Variants in FBXL7 observed in about 807,000 individuals in gnomAD.
FBXL7 encodes the protein F-box and leucine rich repeat protein 7, also known as F-box/LRR-repeat protein 7.
In FBXL7, 12 loss-of-function variants were observed where a neutral mutation model predicts 38.3. The ratio of observed to expected loss-of-function variants is 0.31; its 90% CI spans 0.20 to 0.51. The LOEUF is 0.51. Ranked by LOEUF, FBXL7 falls within the 20% of genes least tolerant of loss-of-function variation. FBXL7 has a pLI of 0.98. For missense variants in FBXL7, 567 were observed against 676.4 expected (o/e 0.84, Z 1.79); for synonymous variants, 297 against 300.9 (o/e 0.99, Z 0.13).
chr5:15,890,395 T>A (rs1740851414), intron 2 of FBXL7, among the ~76,000 whole-genome samples: 1 of 152,068 alleles, frequency 6.6e-6, no homozygotes, highest in South Asian at 2.1e-4. Flanking sequence ...ATTACAGGCA[T>A]GACGCCCAGC....
chr5:15,776,957 ATCT>A (rs1192394229), intron 2 of FBXL7, among the ~76,000 whole-genome samples: 2 of 152,146 alleles, frequency 1.3e-5, no homozygotes, highest in Middle Eastern at 3.2e-3. Context: ...GTATCTTAAT[ATCT>A]TCTTCTTAAT....
intron 1 of FBXL7, among the ~76,000 whole-genome samples, chr5:15,610,097 A>G (rs1300963170): frequency 2.6e-5 from 4 of 152,162 alleles, no homozygotes; most frequent in African/African-American, 9.7e-5. Flanking sequence ...CTTCACTACC[A>G]CAAGAACAGT....
intron 2 of FBXL7, among the ~76,000 whole-genome samples, chr5:15,920,806 G>T (rs1022704696): frequency 2.0e-5 from 3 of 152,078 alleles, no homozygotes; most frequent in Non-Finnish European, 4.4e-5. Context: ...CAGGTGTGAG[G>T]CACCACGCTC....
chr5:15,583,647 C>T (rs748196856), intron 1 of FBXL7, among the ~76,000 whole-genome samples: 1 of 152,288 alleles, frequency 6.6e-6, no homozygotes, highest in African/African-American at 2.4e-5. Flanking sequence ...ACATCTAGGG[C>T]ATGCTTATGC....
At chr5:15,712,656 C>T (rs1743913227) in intron 2 of FBXL7, among the ~76,000 whole-genome samples, 2 of 151,142 alleles carry the variant, frequency 1.3e-5, no homozygotes, top group African/African-American at 4.9e-5. Flanking sequence ...AGATCATGTA[C>T]TGCTAGCTAC....
At chr5:15,565,465 G>A (rs1028655016) in intron 1 of FBXL7, among the ~76,000 whole-genome samples, 2 of 151,628 alleles carry the variant, frequency 1.3e-5, no homozygotes, top group Admixed American at 6.6e-5. Flanking sequence ...AATAGGAGAT[G>A]TATGTCTATA....
At chr5:15,698,845 T>C (rs1743429926) in intron 2 of FBXL7, among the ~76,000 whole-genome samples, 3 of 152,210 alleles carry the variant, frequency 2.0e-5, no homozygotes, top group Admixed American at 2.0e-4. Context: ...GGAAACCCTA[T>C]TCTTTTAGAC....
intron 2 of FBXL7, among the ~76,000 whole-genome samples, chr5:15,712,332 T>A (rs1196014474): frequency 7.1e-6 from 1 of 141,556 alleles, no homozygotes; most frequent in Non-Finnish European, 1.5e-5. Context: ...CAGAAAATGA[T>A]GCTGACAATT....
intron 1 of FBXL7, among the ~76,000 whole-genome samples, chr5:15,576,072 C>CTTTT (rs35832237): frequency 6.7e-5 from 5 of 74,286 alleles, no homozygotes; most frequent in East Asian, 4.5e-4. Flanking sequence ...GAATCTCATT[C>CTTTT]TTTTTTTTTT....
intron 2 of FBXL7, among the ~76,000 whole-genome samples, chr5:15,722,532 T>C (rs1744226748): frequency 6.6e-6 from 1 of 152,182 alleles, no homozygotes; most frequent in Non-Finnish European, 1.5e-5. Context: ...AAGTGTGGGT[T>C]GGAATGAAGT....
intron 2 of FBXL7, among the ~76,000 whole-genome samples, chr5:15,792,687 T>G (rs1737307594): frequency 6.6e-6 from 1 of 152,114 alleles, no homozygotes; most frequent in African/African-American, 2.4e-5. Context: ...CCCTGCTTTG[T>G]TCATGCTCTA....
Position 15,939,410 on chromosome 5 carries a change from G to A in FBXL7, c.*2224G>A, listed in dbSNP as rs1434182498. 1.5e-5 allele frequency: 3 copies of A among 195,488 alleles called. No individual in the cohort carries two copies. Among genetic ancestry groups the A allele is most frequent in the African/African-American group, 6.9e-5 (3 of 43,278 alleles). 12.1% of individuals were successfully genotyped at this position (195,488 alleles called of 1,614,324 possible). On this transcript the variant is annotated 3_prime_UTR_variant, in exon 4 of 4. Transcript: ENST00000504595. ...CTGAGAATGAGCAGGGAGATCCAGA[G>A]AATGAATCCCTGACCGCATCACCTA...
intron 1 of FBXL7, among the ~76,000 whole-genome samples, chr5:15,533,623 C>T (rs924961532): frequency 1.3e-5 from 2 of 152,140 alleles, no homozygotes; most frequent in Non-Finnish European, 2.9e-5. Context: ...CCAGAAAAAT[C>T]GCCTAAACAA....
At chr5:15,864,928 A>G (rs896177747) in intron 2 of FBXL7, among the ~76,000 whole-genome samples, 1 of 152,200 alleles carries the variant, frequency 6.6e-6, no homozygotes, top group Non-Finnish European at 1.5e-5. Context: ...GCAGATAAAA[A>G]GGTCTGGTAT....
chr5:15,855,983 A>AGT (rs1375930580), intron 2 of FBXL7, among the ~76,000 whole-genome samples: 1 of 152,202 alleles, frequency 6.6e-6, no homozygotes, highest in African/African-American at 2.4e-5. Context: ...AAACTACCAA[A>AGT]GTAATATTTA....
At chr5:15,544,210 A>G (rs1303204500) in intron 1 of FBXL7, among the ~76,000 whole-genome samples, 1 of 152,134 alleles carries the variant, frequency 6.6e-6, no homozygotes, top group Non-Finnish European at 1.5e-5. Context: ...TGTCTGACTC[A>G]ACCAACTCTC....
Position 15,928,507 on chromosome 5 carries a change from T to G in FBXL7, c.739+6T>G, listed in dbSNP as rs377672217. On this transcript the variant is annotated splice_donor_region_variant and intron_variant, in intron 3 of 3. Coordinates refer to ENST00000504595, the MANE Select transcript of FBXL7 (RefSeq NM_012304.5). This position sits in a 1 kb window ranked among gnomAD's most constrained non-coding sequence, Gnocchi z 4.0. ...GGAGCACCTGGATGTGTCAGGTAAA[T>G]GGACACTGACCTACCAGCTATGGGC... The G allele has an allele frequency of 2.5e-6, 4 of 1,605,154 alleles. No individual in the cohort carries two copies. Among genetic ancestry groups the G allele is most frequent in the East Asian group, 2.2e-5 (1 of 44,776 alleles).
chr5:15,682,204 C>T (rs867963493), intron 2 of FBXL7, among the ~76,000 whole-genome samples: 16 of 152,354 alleles, frequency 1.1e-4, no homozygotes, highest in East Asian at 1.9e-4. Context: ...AACTTGTGGC[C>T]TGCAAAATTG....
intron 2 of FBXL7, among the ~76,000 whole-genome samples, chr5:15,700,463 C>A (rs1457263873): frequency 2.0e-5 from 3 of 152,152 alleles, no homozygotes; most frequent in Non-Finnish European, 4.4e-5. Flanking sequence ...ATTCCAATTG[C>A]ATGTCCTTAA....
Sources: gnomAD v4.1 joint callset for allele counts (sites outside exome capture counted in the v4.1 genomes callset) on GRCh38, gnomAD v4.1.1 for gene constraint, Gnocchi (gnomAD v3.1) non-coding constraint, MANE v1.5 for transcripts, NCBI Gene and HGNC (gene_info 2026-07-23, HGNC 2026-07-21) for gene names.